Variants in HERC6 observed in about 807,000 individuals in gnomAD.
The protein encoded by HERC6 is probable E3 ubiquitin-protein ligase HERC6.
In HERC6, 101 loss-of-function variants were observed where a neutral mutation model predicts 114.5. That is an observed-to-expected ratio of 0.88 (90% CI 0.75 to 1.04). The LOEUF is 1.04. HERC6 is among the 50% of genes least tolerant of loss of function. HERC6 has a pLI of 0.00. For synonymous variants in HERC6, 408 were observed against 436.2 expected (o/e 0.94, Z 0.81); for missense variants, 1,133 against 1,230.9 (o/e 0.92, Z 1.19).
chr4:88,424,503 C>T, intron 14 of HERC6, 92 bp from the exon 15 acceptor site: 2 of 939,562 alleles, frequency 2.1e-6, no homozygotes, highest in Non-Finnish European at 3.3e-6. Flanking sequence ...CCACAAAAAC[C>T]AGATTCCAAA....
At chr4:88,411,376 G>T (rs1736093944) in intron 11 of HERC6, among the ~76,000 whole-genome samples, 1 of 152,102 alleles carries the variant, frequency 6.6e-6, no homozygotes, top group African/African-American at 2.4e-5. Flanking sequence ...TACACTAAAA[G>T]AAATCTCTTT....
At chr4:88,432,419 A>G (rs1032296799) in intron 17 of HERC6, among the ~76,000 whole-genome samples, 1 of 151,676 alleles carries the variant, frequency 6.6e-6, no homozygotes, top group African/African-American at 2.4e-5. Flanking sequence ...AAAAAGAAAA[A>G]CAAAAACAGG....
intron 11 of HERC6, among the ~76,000 whole-genome samples, chr4:88,410,014 T>G (rs1736007678): frequency 1.3e-5 from 2 of 152,186 alleles, no homozygotes; most frequent in African/African-American, 4.8e-5. Context: ...ACTTCTTGGT[T>G]AATAGATGAC....
intron 13 of HERC6, among the ~76,000 whole-genome samples, chr4:88,420,144 T>A (rs1286389951): frequency 1.3e-5 from 2 of 152,158 alleles, no homozygotes; most frequent in African/African-American, 4.8e-5. Flanking sequence ...TAAATTTACT[T>A]CTTAATAAAA....
chr4:88,387,810 C>T (rs149050695), intron 3 of HERC6, among the ~76,000 whole-genome samples: 18 of 152,316 alleles, frequency 1.2e-4, no homozygotes, highest in African/African-American at 3.8e-4. Flanking sequence ...TAAATAGGAA[C>T]GTCTTTTCCT....
At chr4:88,436,676 T>C (rs1004631903) in intron 18 of HERC6, among the ~76,000 whole-genome samples, 9 of 152,232 alleles carry the variant, frequency 5.9e-5, no homozygotes, top group Non-Finnish European at 1.3e-4. Context: ...CAGCTCATTT[T>C]TGTAATTTCC....
At chr4:88,402,891 A>G (rs1005566771) in intron 8 of HERC6, among the ~76,000 whole-genome samples, 10 of 152,184 alleles carry the variant, frequency 6.6e-5, no homozygotes, top group Non-Finnish European at 1.2e-4. Context: ...TGATCAAACT[A>G]CAGGGAAAAC....
At chr4:88,419,302 C>G (rs1334573443) in intron 13 of HERC6, among the ~76,000 whole-genome samples, 2 of 152,142 alleles carry the variant, frequency 1.3e-5, no homozygotes, top group Non-Finnish European at 2.9e-5. Context: ...GTAGAGTTAC[C>G]TAGAGTCAGT....
chr4:88,397,418 A>G (rs1210203260), intron 7 of HERC6, among the ~76,000 whole-genome samples: 2 of 151,960 alleles, frequency 1.3e-5, no homozygotes, highest in Non-Finnish European at 2.9e-5. Flanking sequence ...GGCTGTACAT[A>G]TATATATGGT....
intron 10 of HERC6, among the ~76,000 whole-genome samples, chr4:88,407,941 G>C (rs1735891392): frequency 6.6e-6 from 1 of 152,166 alleles, no homozygotes; most frequent in South Asian, 2.1e-4. Flanking sequence ...GTTTGACTTG[G>C]ACTGGGTAAA....
chr4:88,432,079 G>T (rs1356369438), intron 17 of HERC6, among the ~76,000 whole-genome samples: 1 of 152,078 alleles, frequency 6.6e-6, no homozygotes, highest in African/African-American at 2.4e-5. Flanking sequence ...CTCTAAAATT[G>T]GAAACTTTTT....
chr4:88,440,251 G>T lies in HERC6; in HGVS notation c.2842+1G>T, dbSNP rs373584413. ...TTGGATGAAAAGAAAAAATTCCTCT[G>T]TAAGTACTGTGGTACTAGATGGACA... On this transcript the variant is annotated splice_donor_variant, in intron 22 of 22. Coordinates refer to ENST00000264346, the MANE Select transcript of HERC6 (RefSeq NM_017912.4). LOFTEE classifies it high-confidence loss of function. 4 of 1,496,306 alleles carry T rather than the reference G, an allele frequency of 2.7e-6. No homozygotes were observed. Among genetic ancestry groups the T allele is most frequent in the Non-Finnish European group, 3.7e-6 (4 of 1,083,212 alleles). 92.7% of individuals were successfully genotyped at this position (1,496,306 alleles called of 1,614,324 possible).
rs1737423909 is a variant in HERC6 at position 88,424,684 on chromosome 4, T to C, written c.1917T>C (p.Asp639=). The C allele has an allele frequency of 1.2e-6, 2 of 1,602,186 alleles. No individual in the cohort carries two copies. Among genetic ancestry groups the C allele is most frequent in the African/African-American group, 1.3e-5 (1 of 74,616 alleles). ...SLSKIKLLQA[D]SHIKMQMSEK... The stretch of plus-strand genomic sequence containing the variant: ...CCAAAATTAAATTATTGCAAGCTGA[T>C]TCACATATAAAGATGCAGGTATGTA... The change falls in exon 15 of 23, where the codon GAT becomes GAC. Residue 639 remains aspartate, a synonymous_variant. Coordinates refer to ENST00000264346, the MANE Select transcript of HERC6 (RefSeq NM_017912.4).
chr4:88,434,765 C>CAAAAAAA (rs761784879), intron 17 of HERC6, among the ~76,000 whole-genome samples: 1 of 103,316 alleles, frequency 9.7e-6, no homozygotes, highest in East Asian at 2.5e-4. Context: ...AAAACAGAGA[C>CAAAAAAA]AAAAAAAAAA....
chr4:88,416,080 C>T (rs1309524899), intron 12 of HERC6, among the ~76,000 whole-genome samples: 1 of 152,186 alleles, frequency 6.6e-6, no homozygotes, highest in Admixed American at 6.5e-5. Context: ...AATTCAGGAT[C>T]TGCAAAATGC....
At position 88,379,045 on chromosome 4, in the gene HERC6, C is replaced by T. The variant is rs1420684124; in HGVS notation, c.124C>T (p.His42Tyr). 1 of 1,562,062 alleles carries T rather than the reference C, an allele frequency of 6.4e-7. No individual in the cohort carries two copies. Among genetic ancestry groups the T allele is most frequent in the South Asian group, 1.2e-5 (1 of 84,930 alleles). Residue 42 changes from histidine (H) to tyrosine (Y), a missense_variant, in exon 1 of 23, where the codon CAC (histidine) becomes TAC (tyrosine). This residue lies in a region of HERC6 where 735 missense variants were observed against 754.0 expected (regional missense o/e 0.97). Coordinates refer to ENST00000264346, the MANE Select transcript of HERC6 (RefSeq NM_017912.4). ...ERHSLLLLTN[H>Y]RVLSCGDNSR... is the part of the protein sequence containing the mutation. ...CCACTCTCTGCTGCTGCTGACCAAC[C>T]ACAGGGTCCTCTCGTGCGGAGACAA...
chr4:88,384,835 C>T (rs1734494637), intron 2 of HERC6, among the ~76,000 whole-genome samples: 1 of 152,082 alleles, frequency 6.6e-6, no homozygotes, highest in Admixed American at 6.6e-5. Flanking sequence ...GCCTGGCCAA[C>T]ATGGTGAAAC....
At chr4:88,426,631 C>T (rs755080472) in intron 15 of HERC6, among the ~76,000 whole-genome samples, 1 of 151,772 alleles carries the variant, frequency 6.6e-6, no homozygotes, top group Non-Finnish European at 1.5e-5. Flanking sequence ...AGGCACCCAC[C>T]ACACCCAGCT....
rs1211224583 is a variant in HERC6 at position 88,439,682 on chromosome 4, CTGATTA to C, written c.2556-190_2556-185del. On this transcript the variant is annotated intron_variant, in intron 20 of 22. Transcript: ENST00000264346. The stretch of plus-strand genomic sequence containing the variant: ...AGTGAGCCAAATAGTTTTAAACCTT[CTGATTA>C]TATTTTCTAAATTTCTTTCTTCTAG... Among the ~76,000 whole-genome samples, 20 of 152,262 alleles carry C rather than the reference CTGATTA, an allele frequency of 1.3e-4. No homozygotes were observed. The East Asian group carries it at 3.9e-3, about 29-fold the overall frequency.
Sources: allele counts gnomAD v4.1 joint callset (sites outside exome capture counted in the v4.1 genomes callset), GRCh38; gene constraint gnomAD v4.1.1; regional missense constraint gnomAD v4.1.1; transcripts MANE v1.5; gene names NCBI Gene and HGNC (gene_info 2026-07-23, HGNC 2026-07-21).